Variants in MARCHF10 observed in about 807,000 individuals in gnomAD.
The protein encoded by MARCHF10 is probable E3 ubiquitin-protein ligase MARCHF10.
MARCHF10 carries 64 observed loss-of-function variants against 76.2 expected under a neutral mutation model. The observed-to-expected ratio is 0.84, with a 90% CI of 0.69 to 1.03. The LOEUF is 1.03. Ranked by LOEUF, MARCHF10 falls within the 50% of genes least tolerant of loss-of-function variation. MARCHF10 has a pLI of 0.00. For synonymous variants in MARCHF10, 340 were observed against 357.5 expected (o/e 0.95, Z 0.55); for missense variants, 875 against 958.0 (o/e 0.91, Z 1.14).
Position 62,701,337 on chromosome 17 carries a change from G to T in MARCHF10, c.*366C>A. On this transcript the variant is annotated 3_prime_UTR_variant, in exon 11 of 11. Coordinates refer to ENST00000311269, the MANE Select transcript of MARCHF10 (RefSeq NM_152598.4). ...GCTGGGAGAATAATGTCAGTTTACT[G>T]AATGAATACATGGCTCGAGTCCATT... 1 of 280,970 alleles carries T rather than the reference G, an allele frequency of 3.6e-6. No homozygotes were observed. Among genetic ancestry groups the T allele is most frequent in the Non-Finnish European group, 6.9e-6 (1 of 145,786 alleles). The allele number at this position is 280,970 out of a possible 1,614,324, so 17.4% of individuals were successfully genotyped here.
chr17:62,717,738 A>C (rs28714250), intron 8 of MARCHF10, among the ~76,000 whole-genome samples: 12,250 of 152,290 alleles, frequency 0.08, 1,348 homozygotes, highest in African/African-American at 0.25. Flanking sequence ...TGCTAGTCCC[A>C]GGACGCCTCC....
In MARCHF10 at chr17:62,800,350, G is replaced by A. The variant is rs185219380; in HGVS notation, c.90+1296C>T. Among the ~76,000 whole-genome samples the A allele has an allele frequency of 2.0e-3, 300 of 152,274 alleles. 2 individuals are homozygous for A. The highest frequency in any genetic ancestry group is 6.9e-3 in the African/African-American group (285 of 41,560). ...CTGGAGACAATTTCAAACAGGAGCCGGGTGGCAGAGGCATCTTTGTGAAAA... is the reference window on the plus strand; with the variant it reads ...CTGGAGACAATTTCAAACAGGAGCCAGGTGGCAGAGGCATCTTTGTGAAAA... On this transcript the variant is annotated intron_variant, in intron 2 of 10. Coordinates refer to ENST00000311269, the MANE Select transcript of MARCHF10 (RefSeq NM_152598.4).
chr17:62,792,316 T>C (rs569630933), intron 2 of MARCHF10, among the ~76,000 whole-genome samples: 2 of 152,136 alleles, frequency 1.3e-5, no homozygotes, highest in East Asian at 3.9e-4. Context: ...CTTTCTAACA[T>C]AGTGACCTTG....
chr17:62,701,600 G>A lies in MARCHF10; in HGVS notation c.*103C>T, dbSNP rs1414879991. On this transcript the variant is annotated 3_prime_UTR_variant, in exon 11 of 11. Coordinates refer to ENST00000311269, the MANE Select transcript of MARCHF10 (RefSeq NM_152598.4). The stretch of plus-strand genomic sequence containing the variant: ...TGAAAATCTAACTGTGAACGCTTTG[G>A]TTTCAGTTTCAGTAAAGAGGAGGAG... 2 of 1,601,870 alleles carry A rather than the reference G, an allele frequency of 1.2e-6. No homozygotes were observed. Among genetic ancestry groups the A allele is most frequent in the Admixed American group, 1.7e-5 (1 of 59,756 alleles).
chr17:62,792,973 C>T (rs1197304958), intron 2 of MARCHF10, among the ~76,000 whole-genome samples: 4 of 150,230 alleles, frequency 2.7e-5, no homozygotes, highest in African/African-American at 4.9e-5. Context: ...CCATCAACCA[C>T]CACCACCTCC....
intron 1 of MARCHF10, among the ~76,000 whole-genome samples, chr17:62,803,581 G>A (rs560365156): frequency 1.3e-5 from 2 of 152,226 alleles, no homozygotes; most frequent in South Asian, 2.1e-4. Context: ...GTGCCGTGGG[G>A]CTATCTCGGC....
chr17:62,739,676 C>T (rs1004539252), intron 5 of MARCHF10, among the ~76,000 whole-genome samples: 7 of 152,186 alleles, frequency 4.6e-5, no homozygotes, highest in African/African-American at 1.2e-4. Context: ...CCACCGTGCC[C>T]GGCCGGCTGA....
intron 2 of MARCHF10, among the ~76,000 whole-genome samples, chr17:62,793,472 CCAT>C (rs2092917626): frequency 8.1e-6 from 1 of 123,018 alleles, no homozygotes; most frequent in African/African-American, 3.4e-5. Context: ...ATCACCACCA[CCAT>C]CACCACCACC....
intron 2 of MARCHF10, among the ~76,000 whole-genome samples, chr17:62,797,518 T>A (rs1003249585): frequency 3.9e-5 from 6 of 152,220 alleles, no homozygotes; most frequent in African/African-American, 1.4e-4. Context: ...AAGTTGTTTT[T>A]AAAAACAGCT....
At chr17:62,790,698 C>T (rs1442112011) in intron 2 of MARCHF10, among the ~76,000 whole-genome samples, 1 of 152,234 alleles carries the variant, frequency 6.6e-6, no homozygotes, top group African/African-American at 2.4e-5. Flanking sequence ...AAAGCATCTC[C>T]TTCCGTGATG....
chr17:62,744,643 G>T, intron 4 of MARCHF10, 115 bp from the exon 5 acceptor site: 3 of 1,094,000 alleles, frequency 2.7e-6, no homozygotes, highest in East Asian at 2.6e-5. Flanking sequence ...TGGAAGGGCA[G>T]TCAAGAGAAG....
chr17:62,795,835 C>G (rs2092975439), intron 2 of MARCHF10, among the ~76,000 whole-genome samples: 1 of 152,124 alleles, frequency 6.6e-6, no homozygotes, highest in South Asian at 2.1e-4. Context: ...CCTGGTCACA[C>G]TGGACCTGGA....
At position 62,738,101 on chromosome 17, in the gene MARCHF10, A is replaced by C. The variant is rs1041993596; in HGVS notation, c.536-769T>G. 1.7e-4 allele frequency among the ~76,000 whole-genome samples: 7 copies of C among 40,182 alleles called. No individual in the cohort carries two copies. The highest frequency in any genetic ancestry group is 2.3e-4 in the African/African-American group (2 of 8,836). The allele number at this position is 40,182 out of a possible 152,430, so 26.4% of individuals were successfully genotyped here. A position where few individuals can be genotyped will look rare whatever the true frequency, so the allele number is the denominator to read the frequency against. ...ACACACACACACACACACACACACA[A>C]CTTAAGCCTCACAACCCTGTGAAAT... is the stretch of plus-strand genomic sequence containing the variant. On this transcript the variant is annotated intron_variant, in intron 5 of 10. Transcript: ENST00000311269. The surrounding 1 kb of genome is among the most constrained non-coding windows in gnomAD (Gnocchi z 4.0).
At chr17:62,765,335 G>A (rs1171680552) in intron 3 of MARCHF10, among the ~76,000 whole-genome samples, 1 of 119,592 alleles carries the variant, frequency 8.4e-6, no homozygotes, top group Non-Finnish European at 1.6e-5. Context: ...CTGGGCAACA[G>A]AGCAGGACTC....
chr17:62,737,511 T>A (rs2091327512), intron 5 of MARCHF10, 179 bp from the exon 6 acceptor site: 1 of 620,982 alleles, frequency 1.6e-6, no homozygotes, highest in African/African-American at 1.8e-5. Flanking sequence ...TTCATTTTAC[T>A]GCCCCGTATT....
chr17:62,788,712 G>A lies in MARCHF10; in HGVS notation c.91-113C>T, dbSNP rs538758275. The stretch of plus-strand genomic sequence containing the variant: ...AAATAAATGATATGCATCTCCAGGT[G>A]TTCATCAAATACCTCTCACCAAGTA... On this transcript the variant is annotated intron_variant, in intron 2 of 10. Transcript: ENST00000311269. The A allele has an allele frequency of 2.3e-5, 31 of 1,375,456 alleles. No homozygotes were observed. The East Asian group carries it at 4.9e-4, about 22-fold the overall frequency. 85.2% of individuals were successfully genotyped at this position (1,375,456 alleles called of 1,614,324 possible). A position where few individuals can be genotyped will look rare whatever the true frequency, so the allele number is the denominator to read the frequency against.
chr17:62,807,446 T>C (rs2093179868), intron 1 of MARCHF10, among the ~76,000 whole-genome samples: 1 of 151,952 alleles, frequency 6.6e-6, no homozygotes, highest in Non-Finnish European at 1.5e-5. Flanking sequence ...AGATAGGTGG[T>C]CACATTTCGA....
chr17:62,784,388 C>G (rs1185966362), intron 3 of MARCHF10, among the ~76,000 whole-genome samples: 1 of 152,128 alleles, frequency 6.6e-6, no homozygotes, highest in African/African-American at 2.4e-5. Context: ...ATAATAAGAG[C>G]TATTTATGAC....
intron 3 of MARCHF10, among the ~76,000 whole-genome samples, chr17:62,786,447 G>C (rs1279694393): frequency 6.6e-6 from 1 of 151,924 alleles, no homozygotes; most frequent in Non-Finnish European, 1.5e-5. Context: ...GGAGTTAATG[G>C]GTGCAGCAAA....
Sources: gnomAD v4.1 joint callset for allele counts (sites outside exome capture counted in the v4.1 genomes callset) on GRCh38, gnomAD v4.1.1 for gene constraint, Gnocchi (gnomAD v3.1) non-coding constraint, MANE v1.5 for transcripts, NCBI Gene and HGNC (gene_info 2026-07-23, HGNC 2026-07-21) for gene names.